Variants in SYT12 observed in about 807,000 individuals in gnomAD.
The protein encoded by SYT12 is synaptotagmin 12.
In SYT12, 27 loss-of-function variants were observed where a neutral mutation model predicts 39.5. The observed-to-expected ratio is 0.68, with a 90% CI of 0.50 to 0.94. The LOEUF is 0.94. Among genes scored for constraint, SYT12 ranks in the 40% least tolerant of loss-of-function variants. The probability of loss-of-function intolerance (pLI) is 0.00; values close to 1 mark genes in which losing one functional copy is unlikely to be tolerated. For synonymous variants in SYT12, 233 were observed against 239.7 expected (o/e 0.97, Z 0.26); for missense variants, 536 against 572.6 (o/e 0.94, Z 0.65).
chr11:67,030,980 A>C (rs1350218228), intron 2 of SYT12: 1 of 151,884 alleles, frequency 6.6e-6, no homozygotes, highest in African/African-American at 2.4e-5. Flanking sequence ...TCTAGCCCCT[A>C]CCCTAACGCA....
chr11:67,023,685 C>T (rs1395241294), intron 1 of SYT12, among the ~76,000 whole-genome samples: 2 of 152,232 alleles, frequency 1.3e-5, no homozygotes, highest in Non-Finnish European at 2.9e-5. Flanking sequence ...TCGCATCGCA[C>T]GCCCCGCATG....
chr11:67,018,818 G>A (rs370369458), upstream of SYT12, among the ~76,000 whole-genome samples: 77 of 150,574 alleles, frequency 5.1e-4, no homozygotes, highest in African/African-American at 8.3e-4. Flanking sequence ...GCGAGACTCC[G>A]TCTCAAAAAA....
intron 4 of SYT12, among the ~76,000 whole-genome samples, chr11:67,040,529 A>T (rs1225327351): frequency 6.6e-6 from 1 of 152,134 alleles, no homozygotes; most frequent in Non-Finnish European, 1.5e-5. Context: ...AAGAAGGCTA[A>T]TTTGGGGAGG....
At chr11:67,010,963 A>G (rs1426662853) in exon 3 of SYT12, 1 of 152,264 alleles carries the variant, frequency 6.6e-6, no homozygotes, top group Non-Finnish European at 1.5e-5. Flanking sequence ...CAAATATGTC[A>G]CATAACACAC....
chr11:67,028,927 C>G (rs1950218035), intron 1 of SYT12: 1 of 152,276 alleles, frequency 6.6e-6, no homozygotes, highest in Non-Finnish European at 1.5e-5. Flanking sequence ...GCCCTACCAC[C>G]CTGCACCAGG....
rs1950325952 is a variant in SYT12, at chr11:67,034,700, C to T, written c.90C>T (p.Ala30=). ...GTGTCTATGCTGCAGGGGCCCTGGC[C>T]CTGCTGGGAATCGCAGCTGTGAGCC... The part of the protein sequence containing the change: ...EVGVYAAGAL[A]LLGIAAVSLW... Residue 30 remains alanine, a synonymous_variant, in exon 3 of 8, where the codon GCC becomes GCT. Coordinates refer to ENST00000527043, the MANE Select transcript of SYT12 (RefSeq NM_177963.4). The T allele has an allele frequency of 2.5e-6, 4 of 1,603,150 alleles. No individual in the cohort carries two copies. In the African/African-American group the frequency reaches 4.0e-5, roughly 16 times the overall value.
In SYT12 at chr11:67,048,602, A is replaced by G; in HGVS notation, c.1111A>G (p.Thr371Ala). The part of the protein sequence containing the change: ...IVLQDLSLRV[T>A]VAESSSDGRG... ...TCCTCAGGACCTGTCTCTCCGCGTG[A>G]CGGTGGCTGAGAGCAGCAGCGACGG... The change falls in exon 8 of 8, where the codon ACG becomes GCG. Residue 371 changes from threonine (T) to alanine (A), a missense_variant. Transcript: ENST00000527043. 6.2e-7 allele frequency: 1 copy of G among 1,602,886 alleles called. No individual in the cohort carries two copies. The highest frequency in any genetic ancestry group is 8.5e-7 in the Non-Finnish European group (1 of 1,171,026).
Position 67,040,134 on chromosome 11 carries a change from G to A in SYT12, c.552G>A (p.Glu184=). 1 of 1,611,102 alleles carries A rather than the reference G, an allele frequency of 6.2e-7. No homozygotes were observed. Among genetic ancestry groups the A allele is most frequent in the Non-Finnish European group, 8.5e-7 (1 of 1,178,186 alleles). ...MQGKDLLERE[E]ASFESCFMRV... is the part of the protein sequence containing the mutation. Reference sequence around the variant, plus strand: ...GCAAGGACCTCCTGGAGCGGGAGGAGGCCAGCTTCGAGTCCTGCTTCATGC... The same window carrying A: ...GCAAGGACCTCCTGGAGCGGGAGGAAGCCAGCTTCGAGTCCTGCTTCATGC... Residue 184 remains glutamate, a synonymous_variant, in exon 4 of 8, where the codon GAG becomes GAA. Transcript: ENST00000527043.
At chr11:67,036,673 C>T (rs1421619249) in intron 3 of SYT12, among the ~76,000 whole-genome samples, 5 of 152,152 alleles carry the variant, frequency 3.3e-5, no homozygotes, top group East Asian at 3.9e-4. Context: ...TGGTGGCTCA[C>T]GCCCGTAATC....
chr11:67,013,710 C>A (rs1431060216), intron 3 of SYT12, among the ~76,000 whole-genome samples: 4 of 152,404 alleles, frequency 2.6e-5, no homozygotes, highest in South Asian at 2.1e-4. Flanking sequence ...GGCCTCCCTG[C>A]CCTCCACTCA....
At position 67,050,668 on chromosome 11, in the gene SYT12, A is replaced by AC. The variant is rs1364190743; in HGVS notation, c.*1912dup. On this transcript the variant is annotated 3_prime_UTR_variant, in exon 8 of 8. Transcript: ENST00000527043. ...AGTGGCTGTGCGGTGCAGGCCACTG[A>AC]CTCCCCCCCTGCCCTCTCCCCTCTC... 5 of 151,042 alleles carry AC rather than the reference A, an allele frequency of 3.3e-5. No individual in the cohort carries two copies. Among genetic ancestry groups the AC allele is most frequent in the Non-Finnish European group, 7.4e-5 (5 of 67,966 alleles). 9.4% of individuals were successfully genotyped at this position (151,042 alleles called of 1,614,324 possible).
chr11:67,040,667 A>C (rs1424476382), intron 4 of SYT12, among the ~76,000 whole-genome samples: 1 of 151,762 alleles, frequency 6.6e-6, no homozygotes, highest in Non-Finnish European at 1.5e-5. Flanking sequence ...GTGAAACCCC[A>C]TCTCTACTAA....
chr11:67,040,999 A>T (rs369384573), intron 4 of SYT12, among the ~76,000 whole-genome samples: 27 of 152,140 alleles, frequency 1.8e-4, no homozygotes, highest in African/African-American at 6.0e-4. Context: ...CTCTACCAAA[A>T]AAAATAAAAT....
rs185950398 is a variant in SYT12, at chr11:67,013,117, C to T, written c.-69+2123C>T. On this transcript the variant is annotated intron_variant, in intron 3 of 10. Coordinates refer to the SYT12 transcript ENST00000393946. ...CCGGATCAATTCAGTGTAATTGACA[C>T]GCAGAGTGGGGAGGAGCAGCTCAGC... Among the ~76,000 whole-genome samples, 7 of 152,310 alleles carry T rather than the reference C, an allele frequency of 4.6e-5. No individual in the cohort carries two copies. The East Asian group carries it at 7.7e-4, about 17-fold the overall frequency.
chr11:67,010,695 G>C (rs1319585388), intron 2 of SYT12: 3 of 152,370 alleles, frequency 2.0e-5, no homozygotes, highest in African/African-American at 4.8e-5. Flanking sequence ...GGAAAGGGCA[G>C]CTTCCAGCTG....
chr11:67,048,881 A>C lies in SYT12; in HGVS notation c.*124A>C. The C allele has an allele frequency of 2.2e-5, 25 of 1,141,152 alleles. No homozygotes were observed. Among genetic ancestry groups the C allele is most frequent in the Non-Finnish European group, 2.6e-5 (21 of 813,430 alleles). 70.7% of individuals were successfully genotyped at this position (1,141,152 alleles called of 1,614,324 possible). On this transcript the variant is annotated 3_prime_UTR_variant, in exon 8 of 8. Coordinates refer to ENST00000527043, the MANE Select transcript of SYT12 (RefSeq NM_177963.4). Reference sequence around the variant, plus strand: ...ACTGGGGTCCCCTGGCAGAGTCCTCATGACCCATCCTGGTCTCTCTGTCCA... The same window carrying C: ...ACTGGGGTCCCCTGGCAGAGTCCTCCTGACCCATCCTGGTCTCTCTGTCCA...
chr11:67,018,831 AAAG>A (rs1415575885), upstream of SYT12, among the ~76,000 whole-genome samples: 1 of 152,070 alleles, frequency 6.6e-6, no homozygotes, highest in Non-Finnish European at 1.5e-5. Flanking sequence ...TCAAAAAAAA[AAAG>A]AAAAAGAAAA....
At position 67,037,549 on chromosome 11, in the gene SYT12, AAAATAAATAAAT is replaced by A. The variant is rs34631289; in HGVS notation, c.229-2234_229-2223del. On this transcript the variant is annotated intron_variant, in intron 3 of 7. Transcript: ENST00000527043. ...AACAAAGCAAGATCTCATCTCTACC[AAAATAAATAAAT>A]AAATAAATAAATAAATAAATAAATA... Among the ~76,000 whole-genome samples, 132 of 145,876 alleles carry A rather than the reference AAAATAAATAAAT, an allele frequency of 9.0e-4. No homozygotes were observed. The Middle Eastern group carries it at 0.01, about 12-fold the overall frequency.
intron 4 of SYT12, among the ~76,000 whole-genome samples, 156 bp downstream of exon 4, chr11:67,040,359 G>C (rs1052124366): frequency 2.6e-5 from 4 of 152,172 alleles, no homozygotes; most frequent in African/African-American, 7.2e-5. Flanking sequence ...TGTAGAGGGA[G>C]CTCTGTACAG....
Sources: gnomAD v4.1 joint callset for allele counts (sites outside exome capture counted in the v4.1 genomes callset) on GRCh38, gnomAD v4.1.1 for gene constraint, MANE v1.5 for transcripts, NCBI Gene and HGNC (gene_info 2026-07-23, HGNC 2026-07-21) for gene names.